The following PLEKHG7 variants were observed in gnomAD, a reference collection of about 807,000 sequenced individuals.
PLEKHG7 encodes pleckstrin homology domain-containing family G member 7.
In PLEKHG7, 77 loss-of-function variants were observed where a neutral mutation model predicts 85.2. The ratio of observed to expected loss-of-function variants is 0.90; its 90% confidence interval spans 0.75 to 1.09. The LOEUF is 1.09. Among genes scored for constraint, PLEKHG7 ranks in the 50% least tolerant of loss-of-function variants. The probability of loss-of-function intolerance (pLI) is 0.00; values close to 1 mark genes in which losing one functional copy is unlikely to be tolerated. For missense variants in PLEKHG7, 777 were observed against 804.3 expected, an observed-to-expected ratio of 0.97 and a Z score of 0.41; for synonymous variants, 301 against 302.4, an observed-to-expected ratio of 1.00 and a Z score of 0.05.
intron 3 of PLEKHG7, among the ~76,000 whole-genome samples, chr12:92,710,911 A>G (rs1871356228): frequency 1.3e-5 from 2 of 152,204 alleles, no homozygotes; most frequent in South Asian, 4.1e-4. Flanking sequence ...TGCTGAGGTC[A>G]CCCATTCATG....
chr12:92,728,619 A>G lies in PLEKHG7; in HGVS notation c.531-374A>G, dbSNP rs142901461. On this transcript the variant is annotated intron_variant, in intron 3 of 16. Transcript: ENST00000344636. ...CCATGGTGTTTATATGTGTGTGTATATACCACATTTTCTTTATCTAATCAA... is the reference window on the plus strand; with the variant it reads ...CCATGGTGTTTATATGTGTGTGTATGTACCACATTTTCTTTATCTAATCAA... 7.9e-5 allele frequency among the ~76,000 whole-genome samples: 12 copies of G among 151,772 alleles called. No individual in the cohort carries two copies. In the East Asian group the frequency reaches 2.1e-3, roughly 27 times the overall value.
intron 7 of PLEKHG7, among the ~76,000 whole-genome samples, chr12:92,740,651 C>T (rs966652380): frequency 6.6e-6 from 1 of 152,142 alleles, no homozygotes; most frequent in African/African-American, 2.4e-5. Flanking sequence ...AACTTTCATA[C>T]TGAAAAGCTC....
chr12:92,710,043 C>A (rs1871338047), intron 3 of PLEKHG7, among the ~76,000 whole-genome samples: 1 of 152,132 alleles, frequency 6.6e-6, no homozygotes, highest in Non-Finnish European at 1.5e-5. Flanking sequence ...CAGTGTTCCT[C>A]CCTCTGGAAC....
chr12:92,767,661 G>A (rs989386444), intron 15 of PLEKHG7, among the ~76,000 whole-genome samples: 2 of 152,118 alleles, frequency 1.3e-5, no homozygotes, highest in African/African-American at 4.8e-5. Flanking sequence ...TGTGATACTG[G>A]GGTAGTTCTT....
At chr12:92,763,257 T>TA (rs1192203470) in intron 14 of PLEKHG7, among the ~76,000 whole-genome samples, 8 of 152,228 alleles carry the variant, frequency 5.3e-5, no homozygotes, top group Admixed American at 3.3e-4. Context: ...TACCCCCTTT[T>TA]AAAAAAATCA....
In PLEKHG7 at chr12:92,740,961, G is replaced by C; in HGVS notation, c.1035+13G>C. On this transcript the variant is annotated intron_variant, in intron 8 of 16. Transcript: ENST00000344636. ...GGAGTTAACTCAGGTGAGCCAAGTA[G>C]GAAGATTCATGTTTTAACATTCACT... 1 of 1,561,876 alleles carries C rather than the reference G, an allele frequency of 6.4e-7. No individual in the cohort carries two copies. Among genetic ancestry groups the C allele is most frequent in the Non-Finnish European group, 8.8e-7 (1 of 1,133,958 alleles).
At chr12:92,755,711 G>T (rs1872806390) in intron 11 of PLEKHG7, 114 bp from the exon 12 acceptor site, 4 of 745,514 alleles carry the variant, frequency 5.4e-6, no homozygotes, top group African/African-American at 5.3e-5. Flanking sequence ...TTTATATATT[G>T]TCTGGCTCCA....
intron 5 of PLEKHG7, among the ~76,000 whole-genome samples, chr12:92,733,952 C>A (rs1393493304): frequency 6.6e-6 from 1 of 151,904 alleles, no homozygotes; most frequent in Admixed American, 6.6e-5. Context: ...CTGTGGGTGG[C>A]GGAGGAAAAC....
rs1229358856 is a variant in PLEKHG7, at chr12:92,721,276, GCACGTGACAGCTGCCT to G, written c.531-7714_531-7699del. Among the ~76,000 whole-genome samples the G allele has an allele frequency of 2.0e-5, 3 of 152,210 alleles. No individual in the cohort carries two copies. In the East Asian group the frequency reaches 5.8e-4, roughly 29 times the overall value. ...GCAGCCAGAGACATTTCTGGCACCAGCACGTGACAGCTGCCTCATTGTTGAGTGCTGACACATGGGT... is the reference window on the plus strand; with the variant it reads ...GCAGCCAGAGACATTTCTGGCACCAGCATTGTTGAGTGCTGACACATGGGT... On this transcript the variant is annotated intron_variant, in intron 3 of 16. Coordinates refer to ENST00000344636, the MANE Select transcript of PLEKHG7 (RefSeq NM_001377329.1).
intron 3 of PLEKHG7, among the ~76,000 whole-genome samples, chr12:92,719,235 T>G (rs1871571029): frequency 6.6e-6 from 1 of 152,210 alleles, no homozygotes; most frequent in Admixed American, 6.5e-5. Context: ...TCATTTCTCT[T>G]TTGATTATTT....
intron 7 of PLEKHG7, among the ~76,000 whole-genome samples, chr12:92,740,483 T>A (rs1872319939): frequency 6.6e-6 from 1 of 152,226 alleles, no homozygotes; most frequent in African/African-American, 2.4e-5. Context: ...AGAAAGAGCA[T>A]ATGAGAATAC....
intron 3 of PLEKHG7, among the ~76,000 whole-genome samples, chr12:92,708,880 G>C (rs904149383): frequency 6.6e-6 from 1 of 152,178 alleles, no homozygotes; most frequent in Non-Finnish European, 1.5e-5. Context: ...ATGGCAAAGT[G>C]TATGGATGTA....
intron 13 of PLEKHG7, among the ~76,000 whole-genome samples, chr12:92,761,047 C>T (rs73360596): frequency 0.14 from 20,939 of 152,014 alleles, 1,755 homozygotes; most frequent in East Asian, 0.3. Context: ...TGGAGGTATC[C>T]GGTGTCTCAA....
Position 92,771,126 on chromosome 12 carries a change from T to G in PLEKHG7, c.*931T>G, listed in dbSNP as rs995812123. 1 of 152,074 alleles carries G rather than the reference T, an allele frequency of 6.6e-6. No homozygotes were observed. Among genetic ancestry groups the G allele is most frequent in the African/African-American group, 2.4e-5 (1 of 41,426 alleles). 9.4% of individuals were successfully genotyped at this position (152,074 alleles called of 1,614,324 possible). A position where few individuals can be genotyped will look rare whatever the true frequency, so the allele number is the denominator to read the frequency against. On this transcript the variant is annotated 3_prime_UTR_variant, in exon 17 of 17. Transcript: ENST00000344636. ...ATAATTATTATCATGGCAGGATATA[T>G]ACTATTAACTACATTCAAGGAACTA...
intron 10 of PLEKHG7, among the ~76,000 whole-genome samples, chr12:92,750,933 A>G (rs1415044104): frequency 7.1e-6 from 1 of 141,456 alleles, no homozygotes; most frequent in Non-Finnish European, 1.5e-5. Flanking sequence ...AGTCAGACCT[A>G]CCCTGTCTCA....
chr12:92,756,494 C>G, intron 13 of PLEKHG7, 103 bp downstream of exon 13: 1 of 895,726 alleles, frequency 1.1e-6, no homozygotes, highest in Non-Finnish European at 1.8e-6. Flanking sequence ...TGCCTATGTT[C>G]CAGGTGATGG....
intron 4 of PLEKHG7, among the ~76,000 whole-genome samples, chr12:92,731,134 A>T (rs573797172): frequency 3.3e-5 from 5 of 152,352 alleles, no homozygotes; most frequent in African/African-American, 1.2e-4. Context: ...AAAGCTAGAA[A>T]AGCACAGGAG....
At chr12:92,721,731 A>G (rs920598160) in intron 3 of PLEKHG7, among the ~76,000 whole-genome samples, 1 of 135,266 alleles carries the variant, frequency 7.4e-6, no homozygotes, top group Non-Finnish European at 1.6e-5. Context: ...AAAAAAAAGC[A>G]TTTATCAAGG....
intron 5 of PLEKHG7, 87 bp downstream of exon 5, chr12:92,732,360 G>T (rs1326711027): frequency 3.8e-6 from 3 of 792,104 alleles, no homozygotes; most frequent in African/African-American, 1.8e-5. Context: ...TCTTCATTCT[G>T]CTTTATCTTT....
Sources: allele counts gnomAD v4.1 joint callset (sites outside exome capture counted in the v4.1 genomes callset), GRCh38; gene constraint gnomAD v4.1.1; transcripts MANE v1.5; gene names NCBI Gene and HGNC (gene_info 2026-07-23, HGNC 2026-07-21).